KCNQ3: variants seen among roughly 807,000 people sequenced by gnomAD.
KCNQ3 encodes the protein potassium voltage-gated channel subfamily Q member 3.
KCNQ3 carries 30 observed loss-of-function variants against 92.5 expected under a neutral mutation model. The ratio of observed to expected loss-of-function variants is 0.32; its 90% CI spans 0.24 to 0.44. The LOEUF (loss-of-function observed/expected upper bound fraction) is 0.44, where lower values mean the gene tolerates loss of function less well. Among genes scored for constraint, KCNQ3 ranks in the 20% least tolerant of loss-of-function variants. The pLI, the probability that KCNQ3 is intolerant of heterozygous loss-of-function variation, is 1.00. For synonymous variants in KCNQ3, 450 were observed against 468.8 expected, an observed-to-expected ratio of 0.96 and a Z score of 0.52; for missense variants, 913 against 1,140.3, an observed-to-expected ratio of 0.80 and a Z score of 2.87.
chr8:132,290,211 A>G (rs374675800), intron 1 of KCNQ3, among the ~76,000 whole-genome samples: 1 of 152,230 alleles, frequency 6.6e-6, no homozygotes, highest in Non-Finnish European at 1.5e-5. Flanking sequence ...ATTAGTCACT[A>G]AGTTCAAACA....
At chr8:132,415,787 T>G (rs1366922202) in intron 1 of KCNQ3, among the ~76,000 whole-genome samples, 4 of 152,190 alleles carry the variant, frequency 2.6e-5, no homozygotes, top group Non-Finnish European at 5.9e-5. Flanking sequence ...GCCATGATTT[T>G]CGGCCCTTCA....
intron 1 of KCNQ3, among the ~76,000 whole-genome samples, chr8:132,381,507 C>A (rs569573535): frequency 2.6e-5 from 4 of 152,274 alleles, no homozygotes; most frequent in African/African-American, 9.6e-5. Flanking sequence ...GTAGGGAATT[C>A]TAGAACTGTT....
chr8:132,386,388 T>C (rs1819891530), intron 1 of KCNQ3, among the ~76,000 whole-genome samples: 1 of 152,094 alleles, frequency 6.6e-6, no homozygotes, highest in South Asian at 2.1e-4. Context: ...CAAATAAAAT[T>C]TTCTCAGGAA....
At chr8:132,341,096 T>C (rs553112219) in intron 1 of KCNQ3, among the ~76,000 whole-genome samples, 3 of 152,322 alleles carry the variant, frequency 2.0e-5, no homozygotes, top group African/African-American at 7.2e-5. Context: ...ATTTCCATCA[T>C]CAAAGAAAGT....
At chr8:132,238,988 A>G (rs4736560) in intron 1 of KCNQ3, among the ~76,000 whole-genome samples, 87,903 of 152,112 alleles carry the variant, frequency 0.58, 26,108 homozygotes, top group East Asian at 0.77. Flanking sequence ...ACAGAGGCAA[A>G]GTCATGAAAT....
At chr8:132,400,366 C>T (rs1037781231) in intron 1 of KCNQ3, among the ~76,000 whole-genome samples, 2 of 152,232 alleles carry the variant, frequency 1.3e-5, no homozygotes, top group East Asian at 3.9e-4. Context: ...GCTTTTCACA[C>T]ATCCTTGTGC....
At chr8:132,347,041 T>C (rs1349263525) in intron 1 of KCNQ3, among the ~76,000 whole-genome samples, 1 of 152,146 alleles carries the variant, frequency 6.6e-6, no homozygotes, top group Non-Finnish European at 1.5e-5. Context: ...TCACCCTCCA[T>C]TGTCTTGTGT....
intron 1 of KCNQ3, among the ~76,000 whole-genome samples, chr8:132,238,609 T>C (rs567432401): frequency 1.3e-5 from 2 of 152,316 alleles, no homozygotes; most frequent in African/African-American, 4.8e-5. Context: ...AACATTCTCA[T>C]TCTTCTCTCA....
At chr8:132,447,415 G>A (rs1186051441) in intron 1 of KCNQ3, among the ~76,000 whole-genome samples, 3 of 152,158 alleles carry the variant, frequency 2.0e-5, no homozygotes, top group African/African-American at 7.2e-5. Context: ...AAAGGAAGAA[G>A]GTGGGGAAGA....
chr8:132,199,968 T>C (rs945550623), intron 1 of KCNQ3, among the ~76,000 whole-genome samples: 2 of 151,586 alleles, frequency 1.3e-5, no homozygotes, highest in Non-Finnish European at 2.9e-5. Flanking sequence ...TAGTACATAG[T>C]GGGCACTTAT....
rs748276296 is a variant in KCNQ3 at position 132,189,923 on chromosome 8, G to A, written c.387-3742C>T. Among the ~76,000 whole-genome samples the A allele has an allele frequency of 1.2e-3, 177 of 146,922 alleles. 2 individuals are homozygous for A. The Middle Eastern group carries it at 0.015, about 13-fold the overall frequency. On this transcript the variant is annotated intron_variant, in intron 1 of 14. Coordinates refer to ENST00000388996, the MANE Select transcript of KCNQ3 (RefSeq NM_004519.4). ...AAAAAAAAAAAGAGAGAGAGAGAGA[G>A]AAGAGGATATGGTCTAGCCATATGC...
intron 1 of KCNQ3, among the ~76,000 whole-genome samples, chr8:132,243,576 G>T (rs753898594): frequency 2.6e-5 from 4 of 152,182 alleles, no homozygotes; most frequent in South Asian, 2.1e-4. Flanking sequence ...AGATTATATT[G>T]GAATCCTCAC....
chr8:132,268,548 C>T (rs538423294), intron 1 of KCNQ3, among the ~76,000 whole-genome samples: 20 of 152,312 alleles, frequency 1.3e-4, no homozygotes, highest in South Asian at 6.2e-4. Context: ...CATGAGCCAC[C>T]GCGCCGGCCA....
At chr8:132,187,082 C>T (rs1275415162) in intron 1 of KCNQ3, 1 of 436,718 alleles carries the variant, frequency 2.3e-6, no homozygotes, top group Non-Finnish European at 4.6e-6. Flanking sequence ...TACCAGGTTC[C>T]CTGGGTGTCC....
At chr8:132,141,057 G>T in intron 10 of KCNQ3, 72 bp downstream of exon 10, 1 of 1,377,160 alleles carries the variant, frequency 7.3e-7, no homozygotes, top group African/African-American at 1.4e-5. Context: ...GGCAAAGGGA[G>T]AGGTGAGGAA....
chr8:132,279,169 G>A (rs1248648234), intron 1 of KCNQ3, among the ~76,000 whole-genome samples: 1 of 152,174 alleles, frequency 6.6e-6, no homozygotes, highest in African/African-American at 2.4e-5. Flanking sequence ...AGTGAGCCGA[G>A]ATTGTGCCAC....
intron 1 of KCNQ3, among the ~76,000 whole-genome samples, chr8:132,303,677 T>TATATATATATATATAC (rs376933089): frequency 0.011 from 949 of 85,986 alleles, 90 homozygotes; most frequent in African/African-American, 0.041. Flanking sequence ...TATATATATA[T>TATATATATATATATAC]ACACACACAC....
intron 1 of KCNQ3, among the ~76,000 whole-genome samples, chr8:132,298,134 G>A (rs1817103414): frequency 6.6e-6 from 1 of 152,160 alleles, no homozygotes; most frequent in Admixed American, 6.5e-5. Context: ...GGGGGATGCT[G>A]GCTAGTAGAG....
chr8:132,218,767 C>T (rs1411341447), intron 1 of KCNQ3, among the ~76,000 whole-genome samples: 3 of 152,140 alleles, frequency 2.0e-5, no homozygotes, highest in Admixed American at 1.3e-4. Context: ...AAGGAGAAAT[C>T]TTTTCTCTGC....
Sources: allele counts gnomAD v4.1 joint callset (sites outside exome capture counted in the v4.1 genomes callset), GRCh38; gene constraint gnomAD v4.1.1; transcripts MANE v1.5; gene names NCBI Gene and HGNC (gene_info 2026-07-23, HGNC 2026-07-21).